Variants in ALKBH5 observed in about 807,000 individuals in gnomAD.
ALKBH5 encodes the protein alkB homolog 5, RNA demethylase.
Under a neutral mutation model 32.1 loss-of-function variants are expected in ALKBH5, and 2 were observed. The observed-to-expected ratio is 0.06, with a 90% CI of 0.03 to 0.20. ALKBH5 has a LOEUF of 0.20. ALKBH5 is among the 10% of genes least tolerant of loss of function. The pLI is 1.00. For synonymous variants in ALKBH5, 300 were observed against 231.7 expected (o/e 1.29, Z -2.68); for missense variants, 352 against 559.5 (o/e 0.63, Z 3.74).
intron 2 of ALKBH5, among the ~76,000 whole-genome samples, chr17:18,203,327 A>G (rs1384246952): frequency 6.6e-6 from 1 of 152,164 alleles, no homozygotes; most frequent in Admixed American, 6.5e-5. Context: ...TACAGGGAGA[A>G]TAATTCACCC....
At chr17:18,193,156 C>T (rs552102721) in intron 1 of ALKBH5, among the ~76,000 whole-genome samples, 1 of 152,124 alleles carries the variant, frequency 6.6e-6, no homozygotes, top group African/African-American at 2.4e-5. Context: ...GCCACCGTGC[C>T]TAGCCTGTCT....
At chr17:18,192,876 T>C (rs2047185010) in intron 1 of ALKBH5, among the ~76,000 whole-genome samples, 1 of 147,178 alleles carries the variant, frequency 6.8e-6, no homozygotes, top group Non-Finnish European at 1.5e-5. Context: ...TTTTTTTTTT[T>C]TGAGACGGAG....
At position 18,184,156 on chromosome 17, in the gene ALKBH5, C is replaced by A. The variant is rs1315122521; in HGVS notation, c.-88C>A. The A allele has an allele frequency of 2.4e-6, 3 of 1,241,998 alleles. No individual in the cohort carries two copies. The highest frequency in any genetic ancestry group is 2.6e-5 in the Admixed American group (1 of 38,490). 76.9% of individuals were successfully genotyped at this position (1,241,998 alleles called of 1,614,324 possible). A position where few individuals can be genotyped will look rare whatever the true frequency, so the allele number is the denominator to read the frequency against. On this transcript the variant is annotated 5_prime_UTR_variant, in exon 1 of 4. Transcript: ENST00000399138. ...GGTTCGGCGCTAAGGACCCCCCTCCCTCCGGGGGCCCCGGGGCGCGTCCCC... is the reference window on the plus strand; with the variant it reads ...GGTTCGGCGCTAAGGACCCCCCTCCATCCGGGGGCCCCGGGGCGCGTCCCC...
intron 1 of ALKBH5, among the ~76,000 whole-genome samples, chr17:18,186,324 T>C (rs1266494467): frequency 6.6e-6 from 1 of 152,186 alleles, no homozygotes; most frequent in Non-Finnish European, 1.5e-5. Flanking sequence ...ATGGATGTCT[T>C]GGCAAAATGC....
At chr17:18,191,463 CT>C (rs2047174532) in intron 1 of ALKBH5, among the ~76,000 whole-genome samples, 1 of 152,166 alleles carries the variant, frequency 6.6e-6, no homozygotes, top group Non-Finnish European at 1.5e-5. Flanking sequence ...TTCTAGAGCC[CT>C]TTGGGGGATG....
intron 1 of ALKBH5, among the ~76,000 whole-genome samples, chr17:18,185,714 C>G (rs897503504): frequency 2.0e-5 from 3 of 152,206 alleles, no homozygotes; most frequent in East Asian, 1.9e-4. Flanking sequence ...CTTACAGTTG[C>G]GTGAGCAGCA....
At chr17:18,207,860 A>T (rs1287892812) in intron 3 of ALKBH5, among the ~76,000 whole-genome samples, 5 of 152,016 alleles carry the variant, frequency 3.3e-5, no homozygotes, top group African/African-American at 1.2e-4. Flanking sequence ...GGGTGTTGGG[A>T]GGCCCAAGAG....
intron 2 of ALKBH5, 82 bp from the exon 3 acceptor site, chr17:18,206,733 G>T: frequency 6.6e-7 from 1 of 1,518,446 alleles, no homozygotes; most frequent in Non-Finnish European, 9.0e-7. Flanking sequence ...GCTCCCACTT[G>T]GCCTGGCCAG....
At chr17:18,192,969 C>T (rs748084688) in intron 1 of ALKBH5, among the ~76,000 whole-genome samples, 2 of 151,206 alleles carry the variant, frequency 1.3e-5, no homozygotes, top group African/African-American at 4.9e-5. Context: ...AGCGATTCTC[C>T]TGCCTCAGCC....
intron 1 of ALKBH5, among the ~76,000 whole-genome samples, chr17:18,186,194 A>T (rs1383804745): frequency 6.6e-6 from 1 of 152,160 alleles, no homozygotes; most frequent in Non-Finnish European, 1.5e-5. Context: ...GTGGGAAGTC[A>T]GTAGTAGCAG....
At chr17:18,188,281 C>G (rs1226828316) in intron 1 of ALKBH5, among the ~76,000 whole-genome samples, 1 of 152,258 alleles carries the variant, frequency 6.6e-6, no homozygotes, top group Non-Finnish European at 1.5e-5. Flanking sequence ...TTGCTGCTAT[C>G]TTTAATCACT....
intron 1 of ALKBH5, among the ~76,000 whole-genome samples, chr17:18,192,679 G>A (rs2047183544): frequency 6.6e-6 from 1 of 152,074 alleles, no homozygotes. Context: ...TCTCACTGTG[G>A]GCTGATGGGT....
chr17:18,191,565 G>A (rs574029747), intron 1 of ALKBH5, among the ~76,000 whole-genome samples: 20 of 152,284 alleles, frequency 1.3e-4, no homozygotes, highest in Admixed American at 8.5e-4. Flanking sequence ...TGTTGGAGAT[G>A]GGAAGTCAGG....
intron 1 of ALKBH5, among the ~76,000 whole-genome samples, chr17:18,194,187 C>G (rs1009370973): frequency 4.6e-5 from 7 of 151,886 alleles, no homozygotes; most frequent in African/African-American, 1.7e-4. Flanking sequence ...GGGACAGAGT[C>G]TCGCTCTGTT....
chr17:18,201,830 TA>T (rs1267733547), intron 2 of ALKBH5, among the ~76,000 whole-genome samples: 8 of 126,330 alleles, frequency 6.3e-5, no homozygotes, highest in East Asian at 2.1e-4. Flanking sequence ...GATAGATAGA[TA>T]GATAGATGAT....
chr17:18,184,628 C>T lies in ALKBH5; in HGVS notation c.385C>T (p.Leu129=). The change falls in exon 1 of 4, where the codon CTG becomes TTG. Residue 129 remains leucine (L), a synonymous_variant. Coordinates refer to ENST00000399138, the MANE Select transcript of ALKBH5 (RefSeq NM_017758.4). ...CGAGCACACGGTGGACCGGGCCCCA[C>T]TGCGCAACAAGTACTTCTTCGGCGA... ...YNEHTVDRAP[L]RNKYFFGEGY... is the part of the protein sequence containing the mutation. The T allele has an allele frequency of 6.2e-7, 1 of 1,613,238 alleles. No individual in the cohort carries two copies. Among genetic ancestry groups the T allele is most frequent in the Non-Finnish European group, 8.5e-7 (1 of 1,180,006 alleles).
intron 1 of ALKBH5, among the ~76,000 whole-genome samples, chr17:18,187,883 G>A (rs368469537): frequency 6.6e-6 from 1 of 152,208 alleles, no homozygotes; most frequent in African/African-American, 2.4e-5. Context: ...ACTTCAGTTG[G>A]TGTTGGTGGC....
chr17:18,192,839 G>A (rs919947567), intron 1 of ALKBH5, among the ~76,000 whole-genome samples: 11 of 149,190 alleles, frequency 7.4e-5, no homozygotes, highest in Admixed American at 2.7e-4. Context: ...GTAGACATTC[G>A]TCCACTGTCT....
At chr17:18,206,692 A>G in intron 2 of ALKBH5, 123 bp from the exon 3 acceptor site, 2 of 1,055,372 alleles carry the variant, frequency 1.9e-6, no homozygotes, top group Non-Finnish European at 1.4e-6. Context: ...TGAGGTACAG[A>G]GCAGAGACTG....
Sources: gnomAD v4.1 joint callset for allele counts (sites outside exome capture counted in the v4.1 genomes callset) on GRCh38, gnomAD v4.1.1 for gene constraint, MANE v1.5 for transcripts, NCBI Gene and HGNC (gene_info 2026-07-23, HGNC 2026-07-21) for gene names.